RALA: variants seen among roughly 807,000 people sequenced by gnomAD.
The protein encoded by RALA is ras-related protein Ral-A.
Under a neutral mutation model 24.0 loss-of-function variants are expected in RALA, and 5 were observed. That is an observed-to-expected ratio of 0.21 (90% CI 0.11 to 0.44). RALA has a LOEUF of 0.44. Ranked by LOEUF, RALA falls within the 20% of genes least tolerant of loss-of-function variation. The pLI is 0.99. For missense variants in RALA, 95 were observed against 241.2 expected (o/e 0.39, Z 4.01); for synonymous variants, 77 against 83.8 (o/e 0.92, Z 0.44).
intron 2 of RALA, among the ~76,000 whole-genome samples, chr7:39,688,729 A>G (rs1468750640): frequency 4.6e-5 from 7 of 152,152 alleles, no homozygotes; most frequent in Non-Finnish European, 8.8e-5. Flanking sequence ...ATGTGCCACT[A>G]TGCCCAGCTA....
chr7:39,629,846 C>T (rs1206494126), intron 1 of RALA, among the ~76,000 whole-genome samples: 1 of 152,156 alleles, frequency 6.6e-6, no homozygotes. Flanking sequence ...CCACCTGCCT[C>T]GGCCTCCAAA....
At chr7:39,626,999 T>TA (rs1791500701) in intron 1 of RALA, among the ~76,000 whole-genome samples, 2 of 81,398 alleles carry the variant, frequency 2.5e-5, no homozygotes, top group African/African-American at 1.3e-4. Flanking sequence ...TTCTCTTCCC[T>TA]CCTAAGCCTG....
At chr7:39,655,925 G>C (rs575844904) in intron 1 of RALA, among the ~76,000 whole-genome samples, 1 of 152,268 alleles carries the variant, frequency 6.6e-6, no homozygotes, top group Non-Finnish European at 1.5e-5. Context: ...AAGGAATTTA[G>C]ATTTTCACCT....
At chr7:39,644,201 G>T (rs1041269275) in intron 1 of RALA, among the ~76,000 whole-genome samples, 5 of 141,614 alleles carry the variant, frequency 3.5e-5, no homozygotes, top group Non-Finnish European at 6.3e-5. Context: ...AAATTCCTAT[G>T]TTTTTTTTTT....
intron 2 of RALA, among the ~76,000 whole-genome samples, chr7:39,687,483 T>C (rs1290354972): frequency 6.6e-6 from 1 of 152,196 alleles, no homozygotes; most frequent in African/African-American, 2.4e-5. Flanking sequence ...TATTGTGTGT[T>C]TGGCATGGCA....
At position 39,690,392 on chromosome 7, in the gene RALA, A is replaced by G; in HGVS notation, c.125A>G (p.Asp42Gly). The G allele has an allele frequency of 6.2e-7, 1 of 1,613,478 alleles. No individual in the cohort carries two copies. Among genetic ancestry groups the G allele is most frequent in the Non-Finnish European group, 8.5e-7 (1 of 1,179,560 alleles). The change falls in exon 3 of 5, where the codon GAC (aspartate) becomes GGC (glycine). Residue 42 changes from aspartate to glycine, a missense_variant. By Grantham distance (94) the Asp-to-Gly change is moderately conservative (BLOSUM62 -1). Transcript: ENST00000005257. The part of the protein sequence containing the change: ...LQFMYDEFVE[D>G]YEPTKADSYR... ...TTTTATCTTTTCTAGTTTGTGGAGG[A>G]CTATGAGCCTACCAAAGCAGACAGC...
chr7:39,647,895 C>G (rs554544457), intron 1 of RALA, among the ~76,000 whole-genome samples: 5 of 152,220 alleles, frequency 3.3e-5, no homozygotes, highest in African/African-American at 7.2e-5. Flanking sequence ...AAATTTCTTC[C>G]TGCTTTTCAG....
At chr7:39,691,915 G>A (rs1792824184) in intron 3 of RALA, among the ~76,000 whole-genome samples, 1 of 152,194 alleles carries the variant, frequency 6.6e-6, no homozygotes, top group African/African-American at 2.4e-5. Flanking sequence ...TGGAATAAAT[G>A]TTATCACCAT....
intron 1 of RALA, among the ~76,000 whole-genome samples, chr7:39,627,594 G>T (rs1791515573): frequency 6.6e-6 from 1 of 152,160 alleles, no homozygotes; most frequent in African/African-American, 2.4e-5. Flanking sequence ...TGGGAAGGTG[G>T]GCAAAGATCC....
intron 1 of RALA, among the ~76,000 whole-genome samples, chr7:39,656,368 A>G (rs1021225398): frequency 6.6e-6 from 1 of 152,232 alleles, no homozygotes; most frequent in African/African-American, 2.4e-5. Context: ...TAAGAGCATT[A>G]GCATTTTATT....
chr7:39,698,774 G>GC (rs1792965350), intron 4 of RALA, among the ~76,000 whole-genome samples: 1 of 152,138 alleles, frequency 6.6e-6, no homozygotes, highest in Admixed American at 6.6e-5. Flanking sequence ...GGCATCAGAG[G>GC]CCCTGGGAAG....
At chr7:39,697,259 C>T in intron 4 of RALA, 1 of 404,128 alleles carries the variant, frequency 2.5e-6, no homozygotes, top group South Asian at 1.8e-5. Flanking sequence ...AAGGGTACCT[C>T]CCAAGATGAA....
intron 1 of RALA, among the ~76,000 whole-genome samples, chr7:39,684,248 T>C (rs1792655138): frequency 6.6e-6 from 1 of 152,186 alleles, no homozygotes; most frequent in African/African-American, 2.4e-5. Context: ...TGCCATACGC[T>C]TAACAGTTCA....
At chr7:39,645,364 A>G (rs1220527782) in intron 1 of RALA, among the ~76,000 whole-genome samples, 1 of 152,204 alleles carries the variant, frequency 6.6e-6, no homozygotes, top group South Asian at 2.1e-4. Context: ...AGGCAGTAAT[A>G]TGAAAATATT....
At chr7:39,670,821 C>T (rs1792368035) in intron 1 of RALA, among the ~76,000 whole-genome samples, 1 of 152,148 alleles carries the variant, frequency 6.6e-6, no homozygotes. Context: ...GGTAAGAAAA[C>T]TGCTTATTCT....
chr7:39,683,578 C>T (rs997232807), intron 1 of RALA, among the ~76,000 whole-genome samples: 1 of 152,146 alleles, frequency 6.6e-6, no homozygotes, highest in Non-Finnish European at 1.5e-5. Context: ...TAGACCAGGG[C>T]TTGGGAATTA....
At chr7:39,652,800 C>G (rs1792039680) in intron 1 of RALA, among the ~76,000 whole-genome samples, 1 of 151,980 alleles carries the variant, frequency 6.6e-6, no homozygotes, top group Non-Finnish European at 1.5e-5. Context: ...TTGAGATGGT[C>G]TGTTGCCCAG....
At chr7:39,686,387 A>G (rs1467912903) in intron 1 of RALA, among the ~76,000 whole-genome samples, 2 of 152,178 alleles carry the variant, frequency 1.3e-5, no homozygotes, top group African/African-American at 4.8e-5. Context: ...ATCATAGCTC[A>G]TTACTGAAAC....
intron 1 of RALA, among the ~76,000 whole-genome samples, chr7:39,629,660 A>T (rs1415387179): frequency 6.6e-6 from 1 of 152,062 alleles, no homozygotes; most frequent in Non-Finnish European, 1.5e-5. Flanking sequence ...CAGTGGCGCC[A>T]TCTCAGCTCA....
Sources: allele counts gnomAD v4.1 joint callset (sites outside exome capture counted in the v4.1 genomes callset), GRCh38; gene constraint gnomAD v4.1.1; transcripts MANE v1.5; gene names NCBI Gene and HGNC (gene_info 2026-07-23, HGNC 2026-07-21).